TPO: variants seen among roughly 807,000 people sequenced by gnomAD.
The protein encoded by TPO is thyroid peroxidase.
In TPO, 78 loss-of-function variants were observed where a neutral mutation model predicts 96.9. The ratio of observed to expected loss-of-function variants is 0.81; its 90% CI spans 0.67 to 0.97. The LOEUF is 0.97. Ranked by LOEUF, TPO falls within the 50% of genes least tolerant of loss-of-function variation. The pLI is 0.00. For missense variants in TPO, 1,252 were observed against 1,274.8 expected, an observed-to-expected ratio of 0.98 and a Z score of 0.27; for synonymous variants, 547 against 538.0, an observed-to-expected ratio of 1.02 and a Z score of -0.23.
chr2:1,504,948 G>A (rs1673250406), intron 14 of TPO, among the ~76,000 whole-genome samples: 1 of 152,162 alleles, frequency 6.6e-6, no homozygotes, highest in African/African-American at 2.4e-5. Flanking sequence ...ATGCAGCAAA[G>A]GTAGCTGGGA....
chr2:1,388,602 G>A (rs111705896), intron 1 of TPO, among the ~76,000 whole-genome samples: 117 of 152,304 alleles, frequency 7.7e-4, no homozygotes, highest in African/African-American at 2.3e-3. Context: ...TCCAGCTGCC[G>A]TCTGTCACAG....
intron 11 of TPO, among the ~76,000 whole-genome samples, chr2:1,495,604 A>G (rs996854302): frequency 6.6e-6 from 1 of 152,228 alleles, no homozygotes; most frequent in Non-Finnish European, 1.5e-5. Context: ...GTCAACAAGC[A>G]AAGTGGCTCT....
chr2:1,452,246 A>T (rs1667373388), intron 5 of TPO, among the ~76,000 whole-genome samples: 1 of 152,220 alleles, frequency 6.6e-6, no homozygotes, highest in Admixed American at 6.5e-5. Flanking sequence ...AGATGTTGGT[A>T]ATTATTATGC....
intron 15 of TPO, among the ~76,000 whole-genome samples, chr2:1,522,680 A>G (rs986347778): frequency 6.6e-6 from 1 of 152,046 alleles, no homozygotes; most frequent in African/African-American, 2.4e-5. Context: ...CAAGTCTGAC[A>G]CATCGCAAAG....
At chr2:1,535,755 C>CTGTGCAACCTCCCCACATGCCCCCAGTG (rs1679499099) in intron 15 of TPO, among the ~76,000 whole-genome samples, 1 of 69,830 alleles carries the variant, frequency 1.4e-5, no homozygotes, top group African/African-American at 5.1e-5. Context: ...TCCCCCCACT[C>CTGTGCAACCTCCCCACATGCCCCCAGTG]TGTGCAACCT....
At chr2:1,485,420 A>C (rs1455964812) in intron 9 of TPO, among the ~76,000 whole-genome samples, 2 of 152,116 alleles carry the variant, frequency 1.3e-5, no homozygotes, top group African/African-American at 4.8e-5. Context: ...GGTATATGCC[A>C]AGTAATTGGA....
chr2:1,379,268 G>A (rs2148340341), intron 1 of TPO, among the ~76,000 whole-genome samples: 1 of 151,238 alleles, frequency 6.6e-6, no homozygotes, highest in African/African-American at 2.5e-5. Context: ...TCGCGCCACT[G>A]CACTCCAGTC....
At chr2:1,453,305 C>T (rs138590501) in intron 5 of TPO, among the ~76,000 whole-genome samples, 45 of 152,304 alleles carry the variant, frequency 3.0e-4, no homozygotes, top group South Asian at 1.2e-3. Context: ...TGTTTTATGC[C>T]ACAGGATTTC....
At chr2:1,400,230 C>T (rs1396320764) in intron 1 of TPO, among the ~76,000 whole-genome samples, 4 of 152,150 alleles carry the variant, frequency 2.6e-5, no homozygotes, top group Non-Finnish European at 5.9e-5. Context: ...CGGTGGCTCA[C>T]GGCTGTAATC....
In TPO at chr2:1,496,034, T is replaced by A; in HGVS notation, c.2052T>A (p.Arg684=). The change falls in exon 12 of 17, where the codon CGT becomes CGA. Residue 684 remains arginine (R), a synonymous_variant. Transcript: ENST00000329066. Reference sequence around the variant, plus strand: ...ACGTCTTCACGGATGCACAGAGGCGTGAGCTGGAGAAGCACTCCCTGTCTC... The same window carrying A: ...ACGTCTTCACGGATGCACAGAGGCGAGAGCTGGAGAAGCACTCCCTGTCTC... ...NSHVFTDAQR[R]ELEKHSLSRV... 1 of 1,613,712 alleles carries A rather than the reference T, an allele frequency of 6.2e-7. No homozygotes were observed. Among genetic ancestry groups the A allele is most frequent in the Non-Finnish European group, 8.5e-7 (1 of 1,180,014 alleles).
chr2:1,376,286 G>T (rs1661720420), intron 1 of TPO, among the ~76,000 whole-genome samples: 1 of 152,162 alleles, frequency 6.6e-6, no homozygotes. Context: ...TCCAGTGAAA[G>T]CTCCCACATG....
Position 1,542,588 on chromosome 2 carries a change from G to A in TPO, c.*114G>A. 1 of 1,563,310 alleles carries A rather than the reference G, an allele frequency of 6.4e-7. No homozygotes were observed. The highest frequency in any genetic ancestry group is 1.2e-5 in the South Asian group (1 of 85,044). Reference sequence around the variant, plus strand: ...GCAGGACGACTGTTTTCCCAACACGGGTAAATCTAGTACCATGTCGTAGTT... The same window carrying A: ...GCAGGACGACTGTTTTCCCAACACGAGTAAATCTAGTACCATGTCGTAGTT... On this transcript the variant is annotated 3_prime_UTR_variant, in exon 17 of 17. Coordinates refer to ENST00000329066, the MANE Select transcript of TPO (RefSeq NM_001206744.2).
intron 1 of TPO, among the ~76,000 whole-genome samples, chr2:1,397,646 C>T (rs1014005737): frequency 3.3e-5 from 5 of 152,192 alleles, no homozygotes; most frequent in Admixed American, 1.3e-4. Flanking sequence ...GGAGGCAGAG[C>T]TGGGAGGCCC....
At chr2:1,539,459 A>G (rs542150939) in intron 15 of TPO, among the ~76,000 whole-genome samples, 43 of 152,280 alleles carry the variant, frequency 2.8e-4, no homozygotes, top group African/African-American at 1.0e-3. Context: ...CGTCACAAGC[A>G]CTGAAGCCAC....
At chr2:1,462,386 A>G (rs919074346) in intron 7 of TPO, among the ~76,000 whole-genome samples, 1 of 152,140 alleles carries the variant, frequency 6.6e-6, no homozygotes, top group Non-Finnish European at 1.5e-5. Flanking sequence ...ATATGGAATC[A>G]CAAGGAATTG....
chr2:1,519,128 C>A (rs1674992735), intron 15 of TPO, among the ~76,000 whole-genome samples: 1 of 152,228 alleles, frequency 6.6e-6, no homozygotes, highest in Non-Finnish European at 1.5e-5. Context: ...GGGGAGCCGC[C>A]TGCAGGCACC....
At chr2:1,414,275 AG>A (rs1662652511) in intron 1 of TPO, 132 bp from the exon 2 acceptor site, 1 of 839,866 alleles carries the variant, frequency 1.2e-6, no homozygotes, top group African/African-American at 1.7e-5. Flanking sequence ...CAGGCCTGTG[AG>A]GGTCGCTCAC....
intron 5 of TPO, chr2:1,439,500 C>T (rs2148514869): frequency 6.6e-6 from 1 of 152,250 alleles, no homozygotes; most frequent in East Asian, 1.9e-4. Context: ...AGTGCCAAAG[C>T]CCACCAAGAC....
chr2:1,535,687 C>A (rs1186551512), intron 15 of TPO, among the ~76,000 whole-genome samples: 19 of 73,518 alleles, frequency 2.6e-4, no homozygotes, highest in South Asian at 6.8e-4. Flanking sequence ...AACCTCCCCA[C>A]ATGCCCCCAG....
Sources: gnomAD v4.1 joint callset for allele counts (sites outside exome capture counted in the v4.1 genomes callset) on GRCh38, gnomAD v4.1.1 for gene constraint, MANE v1.5 for transcripts, NCBI Gene and HGNC (gene_info 2026-07-23, HGNC 2026-07-21) for gene names.